Variants in DCC observed in about 807,000 individuals in gnomAD.
DCC encodes the protein netrin receptor DCC.
A neutral mutation model predicts 172.5 loss-of-function variants in DCC; 58 were observed. The observed-to-expected ratio is 0.34, with a 90% CI of 0.27 to 0.42. The LOEUF (loss-of-function observed/expected upper bound fraction) is 0.42. DCC is among the 10% of genes least tolerant of loss of function. The pLI, the probability that DCC is intolerant of heterozygous loss-of-function variation, is 1.00. For synonymous variants in DCC, 709 were observed against 644.5 expected (o/e 1.10, Z -1.52); for missense variants, 1,740 against 1,791.0 (o/e 0.97, Z 0.51).
chr18:53,078,611 T>C (rs2042754951), intron 7 of DCC, among the ~76,000 whole-genome samples: 1 of 152,110 alleles, frequency 6.6e-6, no homozygotes, highest in Admixed American at 6.6e-5. Flanking sequence ...AGAGAAATAA[T>C]ATTTTTTTAT....
At chr18:52,821,699 G>A (rs977857187) in intron 2 of DCC, among the ~76,000 whole-genome samples, 3 of 152,148 alleles carry the variant, frequency 2.0e-5, no homozygotes, top group Admixed American at 1.3e-4. Flanking sequence ...TTCTTTATTG[G>A]AATGCTGTAA....
chr18:52,861,449 G>C (rs926959731), intron 2 of DCC, among the ~76,000 whole-genome samples: 5 of 152,202 alleles, frequency 3.3e-5, no homozygotes, highest in African/African-American at 1.2e-4. Context: ...ACTGATTCTT[G>C]TGGAACCTAT....
chr18:53,275,478 T>C (rs190284798), intron 12 of DCC, among the ~76,000 whole-genome samples: 2 of 152,290 alleles, frequency 1.3e-5, no homozygotes, highest in Non-Finnish European at 2.9e-5. Flanking sequence ...TTCTCTTTAA[T>C]TGGTTTTAAA....
intron 12 of DCC, among the ~76,000 whole-genome samples, chr18:53,293,384 C>G (rs969422385): frequency 6.6e-6 from 1 of 152,158 alleles, no homozygotes; most frequent in Non-Finnish European, 1.5e-5. Context: ...ATTAAGAAGA[C>G]CTCCAACATG....
At position 53,376,561 on chromosome 18, in the gene DCC, G is replaced by T. The variant is rs185881492; in HGVS notation, c.2360-9482G>T. Among the ~76,000 whole-genome samples the T allele has an allele frequency of 1.8e-3, 268 of 152,220 alleles. 2 individuals are homozygous for T. Among genetic ancestry groups the T allele is most frequent in the Middle Eastern group, 6.8e-3 (2 of 294 alleles). ...CCAGTCTGAGTCTAAAGAACCCTAAGACATCTAGTTAATTCAGTGGTAACA... is the reference window on the plus strand; with the variant it reads ...CCAGTCTGAGTCTAAAGAACCCTAATACATCTAGTTAATTCAGTGGTAACA... On this transcript the variant is annotated intron_variant, in intron 15 of 28. Coordinates refer to ENST00000442544, the MANE Select transcript of DCC (RefSeq NM_005215.4).
At chr18:53,117,860 A>G (rs2043429318) in intron 7 of DCC, among the ~76,000 whole-genome samples, 1 of 151,772 alleles carries the variant, frequency 6.6e-6, no homozygotes, top group African/African-American at 2.4e-5. Context: ...TTTGAATTTC[A>G]CATTCTTGTC....
chr18:52,824,654 A>G (rs2038474638), intron 2 of DCC, among the ~76,000 whole-genome samples: 1 of 152,160 alleles, frequency 6.6e-6, no homozygotes, highest in African/African-American at 2.4e-5. Flanking sequence ...CCTTCATCTC[A>G]GCAAGAGCAG....
At chr18:52,477,499 G>A (rs993145071) in intron 1 of DCC, among the ~76,000 whole-genome samples, 2 of 152,178 alleles carry the variant, frequency 1.3e-5, no homozygotes, top group Non-Finnish European at 2.9e-5. Context: ...CAGGTTCAGA[G>A]AAGGCCATGA....
At chr18:53,309,219 C>T (rs1449466684) in intron 13 of DCC, among the ~76,000 whole-genome samples, 2 of 151,988 alleles carry the variant, frequency 1.3e-5, no homozygotes, top group East Asian at 3.9e-4. Flanking sequence ...TTAAATTTTT[C>T]GTAGAGACAA....
rs548936170 is a variant in DCC at position 52,458,237 on chromosome 18, C to T, written c.91+117359C>T. Among the ~76,000 whole-genome samples, 5 of 152,248 alleles carry T rather than the reference C, an allele frequency of 3.3e-5. No homozygotes were observed. In the South Asian group the frequency reaches 1.0e-3, roughly 32 times the overall value. ...AGTCACACGGCTGCAGGGGCTGCCC[C>T]TGGGGCACCTCCACCACCATCCTGG... is the stretch of plus-strand genomic sequence containing the variant. On this transcript the variant is annotated intron_variant, in intron 1 of 28. Transcript: ENST00000442544.
At chr18:53,391,494 G>A (rs549127229) in intron 16 of DCC, among the ~76,000 whole-genome samples, 161 bp from the exon 17 acceptor site, 10 of 152,182 alleles carry the variant, frequency 6.6e-5, no homozygotes, top group African/African-American at 2.2e-4. Flanking sequence ...TGTGTTTTCC[G>A]ATTGAATTAA....
intron 2 of DCC, among the ~76,000 whole-genome samples, chr18:52,834,283 A>T (rs981309333): frequency 6.6e-6 from 1 of 152,206 alleles, no homozygotes; most frequent in Non-Finnish European, 1.5e-5. Context: ...TCATATCTTA[A>T]CGGAAACATA....
At chr18:53,521,513 A>T (rs187723845) in intron 27 of DCC, among the ~76,000 whole-genome samples, 2 of 152,246 alleles carry the variant, frequency 1.3e-5, no homozygotes, top group African/African-American at 2.4e-5. Context: ...TGACAAAAAA[A>T]TTGTGATGAA....
chr18:53,202,613 C>T (rs2055557152), intron 9 of DCC, among the ~76,000 whole-genome samples: 1 of 152,048 alleles, frequency 6.6e-6, no homozygotes, highest in African/African-American at 2.4e-5. Context: ...TTATATGGTC[C>T]TAATGTTATC....
chr18:52,427,835 T>TTCCTTCCTTC lies in DCC; in HGVS notation c.91+86957_91+86958insTCCTTCCTTC, dbSNP rs1987486722. ...TCCTTTCTTCCTTCCTTCCTTCCTT[T>TTCCTTCCTTC]CTTCCTTCCTTCCTTCCTTCCTTCC... is the stretch of plus-strand genomic sequence containing the variant. On this transcript the variant is annotated intron_variant, in intron 1 of 28. Coordinates refer to ENST00000442544, the MANE Select transcript of DCC (RefSeq NM_005215.4). Among the ~76,000 whole-genome samples, 12 of 46,054 alleles carry TTCCTTCCTTC rather than the reference T, an allele frequency of 2.6e-4. 1 individual carries two copies. The highest frequency in any genetic ancestry group is 2.4e-3 in the South Asian group (3 of 1,264). The allele number at this position is 46,054 out of a possible 152,430, so 30.2% of individuals were successfully genotyped here.
intron 2 of DCC, among the ~76,000 whole-genome samples, chr18:52,895,938 C>A (rs1335768447): frequency 6.6e-6 from 1 of 152,090 alleles, no homozygotes; most frequent in Non-Finnish European, 1.5e-5. Context: ...GCGCACACAA[C>A]CACACTTGGC....
intron 19 of DCC, among the ~76,000 whole-genome samples, chr18:53,404,304 T>C (rs551038492): frequency 6.6e-6 from 1 of 152,248 alleles, no homozygotes; most frequent in South Asian, 2.1e-4. Context: ...CTCCACTCAT[T>C]TGAATTCTCC....
At position 52,435,673 on chromosome 18, in the gene DCC, G is replaced by A. The variant is rs549992770; in HGVS notation, c.91+94795G>A. ...TGGGCCACCTGTTAGGCTGCCAGCCGCCCTTGAGATTGATATTTGCCATTT... is the reference window on the plus strand; with the variant it reads ...TGGGCCACCTGTTAGGCTGCCAGCCACCCTTGAGATTGATATTTGCCATTT... On this transcript the variant is annotated intron_variant, in intron 1 of 28. Transcript: ENST00000442544. Among the ~76,000 whole-genome samples the A allele has an allele frequency of 9.9e-5, 15 of 152,204 alleles. No homozygotes were observed. The East Asian group carries it at 1.5e-3, about 16-fold the overall frequency.
At chr18:52,360,603 T>C (rs1294682205) in intron 1 of DCC, among the ~76,000 whole-genome samples, 1 of 152,212 alleles carries the variant, frequency 6.6e-6, no homozygotes, top group East Asian at 1.9e-4. Flanking sequence ...TGTGCTTAAG[T>C]TGGCATTTGT....
Sources: allele counts gnomAD v4.1 joint callset (sites outside exome capture counted in the v4.1 genomes callset), GRCh38; gene constraint gnomAD v4.1.1; transcripts MANE v1.5; gene names NCBI Gene and HGNC (gene_info 2026-07-23, HGNC 2026-07-21).